The following PAPPA variants were observed in gnomAD, a reference collection of about 807,000 sequenced individuals.
The protein encoded by PAPPA is pappalysin-1.
A neutral mutation model predicts 164.0 loss-of-function variants in PAPPA; 60 were observed. The observed-to-expected ratio is 0.37, with a 90% CI of 0.30 to 0.45. The LOEUF (loss-of-function observed/expected upper bound fraction) is 0.45, where lower values mean the gene tolerates loss of function less well. Among genes scored for constraint, PAPPA ranks in the 20% least tolerant of loss-of-function variants. PAPPA has a pLI of 1.00. For synonymous variants in PAPPA, 875 were observed against 814.1 expected (o/e 1.07, Z -1.27); for missense variants, 1,782 against 2,087.3 (o/e 0.85, Z 2.85).
At chr9:116,276,647 A>C (rs1845201818) in intron 9 of PAPPA, among the ~76,000 whole-genome samples, 1 of 152,142 alleles carries the variant, frequency 6.6e-6, no homozygotes, top group Non-Finnish European at 1.5e-5. Flanking sequence ...AAACAAAGGA[A>C]AGGGACCCCC....
At chr9:116,239,647 G>A (rs1410751712) in intron 7 of PAPPA, among the ~76,000 whole-genome samples, 1 of 152,138 alleles carries the variant, frequency 6.6e-6, no homozygotes, top group Non-Finnish European at 1.5e-5. Context: ...TGAGGTAGGT[G>A]AAAAAGCTTA....
At chr9:116,318,355 G>A (rs1845812548) in intron 10 of PAPPA, 1 of 152,028 alleles carries the variant, frequency 6.6e-6, no homozygotes, top group Non-Finnish European at 1.5e-5. Context: ...TTCCTTTGGG[G>A]TCCATTTTCT....
At chr9:116,356,281 A>G (rs1201108940) in intron 17 of PAPPA, among the ~76,000 whole-genome samples, 1 of 152,240 alleles carries the variant, frequency 6.6e-6, no homozygotes, top group African/African-American at 2.4e-5. Context: ...GTATAAAATG[A>G]GGAGAAAGAA....
intron 19 of PAPPA, among the ~76,000 whole-genome samples, chr9:116,372,664 A>ATAAT (rs1008997897): frequency 1.3e-5 from 2 of 152,066 alleles, no homozygotes; most frequent in African/African-American, 2.4e-5. Context: ...TCAGAACCTT[A>ATAAT]TAATGCCTTT....
At position 116,154,346 on chromosome 9, in the gene PAPPA, G is replaced by T. The variant is rs1035504126; in HGVS notation, c.174G>T (p.Ser58=). 1.0e-4 allele frequency: 72 copies of T among 696,494 alleles called. No individual in the cohort carries two copies. Among genetic ancestry groups the T allele is most frequent in the Non-Finnish European group, 1.2e-4 (66 of 569,806 alleles). The allele number at this position is 696,494 out of a possible 1,614,324, so 43.1% of individuals were successfully genotyped here. A position where few individuals can be genotyped will look rare whatever the true frequency, so the allele number is the denominator to read the frequency against. ...ATRAARGRRA[S]PPPPPPPGGA... ...GGGCGGCCCGCGGCCGCCGCGCCTC[G>T]CCGCCGCCGCCGCCGCCGCCGGGCG... The change falls in exon 1 of 22, where the codon TCG becomes TCT. Residue 58 remains serine, a synonymous_variant. Transcript: ENST00000328252. The surrounding 1 kb of genome is among the most constrained non-coding windows in gnomAD (Gnocchi z 5.2).
chr9:116,219,170 C>T (rs75732900), intron 4 of PAPPA, among the ~76,000 whole-genome samples: 3,175 of 152,264 alleles, frequency 0.021, 116 homozygotes, highest in African/African-American at 0.073. Context: ...TAGAAGCCTT[C>T]CTGGTCGCCT....
rs533105984 is a variant in PAPPA, at chr9:116,307,337, C to G, written c.3147+4387C>G. Among the ~76,000 whole-genome samples the G allele has an allele frequency of 5.3e-5, 8 of 152,242 alleles. No homozygotes were observed. In the South Asian group the frequency reaches 1.7e-3, roughly 32 times the overall value. ...AAACCAGGCCGGGCACGGTGGCTCA[C>G]GCTTGTAATTCCAGCGCTTTGGGAG... is the stretch of plus-strand genomic sequence containing the variant. On this transcript the variant is annotated intron_variant, in intron 10 of 21. Transcript: ENST00000328252.
intron 13 of PAPPA, among the ~76,000 whole-genome samples, chr9:116,341,021 AT>A (rs1054305845): frequency 6.0e-5 from 9 of 150,024 alleles, no homozygotes; most frequent in African/African-American, 2.0e-4. Flanking sequence ...TTTTATTTTT[AT>A]TTTTTTGTTT....
chr9:116,157,016 A>G (rs1843611954), intron 1 of PAPPA, among the ~76,000 whole-genome samples: 1 of 152,120 alleles, frequency 6.6e-6, no homozygotes, highest in Non-Finnish European at 1.5e-5. Flanking sequence ...ATCCCTGGTC[A>G]CCTATCTTGA....
intron 9 of PAPPA, among the ~76,000 whole-genome samples, chr9:116,277,612 G>A (rs1006363737): frequency 1.3e-5 from 2 of 152,160 alleles, no homozygotes; most frequent in Non-Finnish European, 2.9e-5. Flanking sequence ...ACACCTGCCT[G>A]ACAAGTGTTA....
intron 4 of PAPPA, among the ~76,000 whole-genome samples, chr9:116,217,036 A>G (rs1844382523): frequency 6.6e-6 from 1 of 152,138 alleles, no homozygotes; most frequent in South Asian, 2.1e-4. Flanking sequence ...CACTGTGCCC[A>G]GCCTCAACTT....
At chr9:116,300,282 T>TTTGA (rs754093982) in intron 9 of PAPPA, among the ~76,000 whole-genome samples, 6 of 148,504 alleles carry the variant, frequency 4.0e-5, no homozygotes, top group Admixed American at 6.8e-5. Flanking sequence ...TTTGTTTTGT[T>TTTGA]TTTTTGTTTT....
chr9:116,230,729 G>T (rs1307564361), intron 6 of PAPPA, among the ~76,000 whole-genome samples: 1 of 152,196 alleles, frequency 6.6e-6, no homozygotes. Context: ...TTCATAGACA[G>T]TGGTTGCACT....
intron 12 of PAPPA, among the ~76,000 whole-genome samples, chr9:116,334,084 C>A (rs1425316568): frequency 1.3e-5 from 2 of 151,986 alleles, no homozygotes; most frequent in Non-Finnish European, 2.9e-5. Flanking sequence ...GGGGCTACAC[C>A]AGCATTTAAA....
chr9:116,361,707 T>C (rs1238831864), intron 17 of PAPPA, among the ~76,000 whole-genome samples: 1 of 152,198 alleles, frequency 6.6e-6, no homozygotes, highest in Non-Finnish European at 1.5e-5. Flanking sequence ...CTGAACACAG[T>C]CACACTGACA....
intron 13 of PAPPA, 89 bp downstream of exon 13, chr9:116,335,163 T>G: frequency 9.1e-7 from 1 of 1,101,868 alleles, no homozygotes; most frequent in Non-Finnish European, 1.3e-6. Flanking sequence ...TTTGTGTGGA[T>G]GTAAAAAGTC....
At chr9:116,386,566 T>C (rs552697843) in intron 21 of PAPPA, among the ~76,000 whole-genome samples, 1 of 152,308 alleles carries the variant, frequency 6.6e-6, no homozygotes, top group African/African-American at 2.4e-5. Context: ...CCAAGTTCAC[T>C]TGGCAAATGA....
chr9:116,352,602 G>A (rs1846297047), intron 15 of PAPPA, 104 bp from the exon 16 acceptor site: 6 of 852,152 alleles, frequency 7.0e-6, no homozygotes, highest in Admixed American at 1.9e-5. Context: ...TCCACATAAG[G>A]GATCTCCTGG....
chr9:116,213,124 G>C (rs892857780), intron 4 of PAPPA, among the ~76,000 whole-genome samples: 2 of 152,192 alleles, frequency 1.3e-5, no homozygotes, highest in Non-Finnish European at 2.9e-5. Flanking sequence ...CAACTGCCCT[G>C]GTGGCTATAT....
Sources: gnomAD v4.1 joint callset for allele counts (sites outside exome capture counted in the v4.1 genomes callset) on GRCh38, gnomAD v4.1.1 for gene constraint, Gnocchi (gnomAD v3.1) non-coding constraint, MANE v1.5 for transcripts, NCBI Gene and HGNC (gene_info 2026-07-23, HGNC 2026-07-21) for gene names.